Variants in NEGR1 observed in about 807,000 individuals in gnomAD.
NEGR1 encodes IgLON family member 4.
NEGR1 carries 10 observed loss-of-function variants against 40.9 expected under a neutral mutation model. The ratio of observed to expected loss-of-function variants is 0.24; its 90% CI spans 0.15 to 0.42. The LOEUF is 0.42. NEGR1 is among the 10% of genes least tolerant of loss of function. The pLI is 1.00. For synonymous variants in NEGR1, 185 were observed against 166.8 expected (o/e 1.11, Z -0.84); for missense variants, 352 against 438.9 (o/e 0.80, Z 1.77).
intron 6 of NEGR1, among the ~76,000 whole-genome samples, chr1:71,444,652 G>A (rs1342553049): frequency 1.3e-5 from 2 of 152,112 alleles, no homozygotes; most frequent in Non-Finnish European, 2.9e-5. Context: ...CTGCTGCAAA[G>A]TTAAATCTTT....
At chr1:71,550,125 T>C (rs752718035) in intron 6 of NEGR1, among the ~76,000 whole-genome samples, 14 of 151,638 alleles carry the variant, frequency 9.2e-5, no homozygotes, top group Non-Finnish European at 1.9e-4. Context: ...GTCCAAATGG[T>C]GGAGCAGACA....
At chr1:72,281,616 A>G (rs1470330098) in intron 1 of NEGR1, among the ~76,000 whole-genome samples, 1 of 152,078 alleles carries the variant, frequency 6.6e-6, no homozygotes, top group African/African-American at 2.4e-5. Context: ...CAAAAAGAAA[A>G]AAGGGTAAAA....
intron 3 of NEGR1, among the ~76,000 whole-genome samples, chr1:71,710,899 T>C (rs1358362333): frequency 2.0e-5 from 3 of 152,128 alleles, no homozygotes; most frequent in Admixed American, 6.5e-5. Flanking sequence ...GGATTGATTG[T>C]AACTCAAAGG....
intron 1 of NEGR1, among the ~76,000 whole-genome samples, chr1:71,992,563 A>G (rs1311774920): frequency 6.6e-6 from 1 of 152,246 alleles, no homozygotes; most frequent in Non-Finnish European, 1.5e-5. Context: ...CTATTTAAAC[A>G]TGTAATCAAT....
At chr1:72,107,093 T>C (rs1434418105) in intron 1 of NEGR1, among the ~76,000 whole-genome samples, 1 of 151,732 alleles carries the variant, frequency 6.6e-6, no homozygotes, top group Admixed American at 6.6e-5. Context: ...GGGTGAGAAA[T>C]AATCACACGT....
chr1:71,425,662 G>A (rs949316898), intron 6 of NEGR1, among the ~76,000 whole-genome samples: 1 of 152,056 alleles, frequency 6.6e-6, no homozygotes, highest in Non-Finnish European at 1.5e-5. Context: ...TTTTTTTAAT[G>A]TAAAATATCT....
intron 1 of NEGR1, among the ~76,000 whole-genome samples, chr1:71,943,253 CATACACATGTATCATACACATAT>C (rs1226765182): frequency 2.0e-5 from 3 of 149,448 alleles, no homozygotes; most frequent in East Asian, 4.0e-4. Flanking sequence ...CACACACATA[CATACACATGTATCATACACATAT>C]ATACACATGT....
chr1:71,806,810 G>A (rs1657787250), intron 2 of NEGR1, among the ~76,000 whole-genome samples: 1 of 151,662 alleles, frequency 6.6e-6, no homozygotes, highest in Admixed American at 6.6e-5. Context: ...ATTGTCTTTT[G>A]GAACTAATAA....
chr1:71,658,983 C>T (rs1315621916), intron 4 of NEGR1, among the ~76,000 whole-genome samples: 1 of 152,076 alleles, frequency 6.6e-6, no homozygotes, highest in Non-Finnish European at 1.5e-5. Context: ...ATTATTAAAT[C>T]TTGGATTTTC....
intron 1 of NEGR1, among the ~76,000 whole-genome samples, chr1:72,003,649 T>C (rs11209887): frequency 0.11 from 17,424 of 152,060 alleles, 1,038 homozygotes; most frequent in South Asian, 0.18. Flanking sequence ...TTGTTTATCC[T>C]AATAGACTTT....
chr1:71,819,976 A>G (rs1237161738), intron 2 of NEGR1, among the ~76,000 whole-genome samples: 2 of 152,012 alleles, frequency 1.3e-5, no homozygotes, highest in Non-Finnish European at 2.9e-5. Flanking sequence ...CAGAAGGGGG[A>G]CAGGCTGTTA....
chr1:71,956,804 G>T (rs1421733509), intron 1 of NEGR1, among the ~76,000 whole-genome samples: 1 of 152,040 alleles, frequency 6.6e-6, no homozygotes, highest in African/African-American at 2.4e-5. Flanking sequence ...AGAATGTGAA[G>T]ACCTGTACTC....
chr1:72,130,664 C>A (rs1650211645), intron 1 of NEGR1, among the ~76,000 whole-genome samples: 1 of 152,232 alleles, frequency 6.6e-6, no homozygotes, highest in East Asian at 1.9e-4. Context: ...AAGTCATGCT[C>A]CTCAGTCTCC....
intron 2 of NEGR1, among the ~76,000 whole-genome samples, chr1:71,900,006 A>G (rs930182945): frequency 1.3e-5 from 2 of 152,332 alleles, no homozygotes; most frequent in Admixed American, 1.3e-4. Context: ...AAACATTTGA[A>G]GTATATACAA....
chr1:71,519,941 C>G (rs1288510439), intron 6 of NEGR1, among the ~76,000 whole-genome samples: 1 of 151,770 alleles, frequency 6.6e-6, no homozygotes, highest in East Asian at 1.9e-4. Flanking sequence ...TCTCATTATT[C>G]ACAGCTAAGG....
intron 6 of NEGR1, among the ~76,000 whole-genome samples, chr1:71,462,501 C>T (rs905009983): frequency 1.3e-5 from 2 of 152,058 alleles, no homozygotes; most frequent in Non-Finnish European, 2.9e-5. Context: ...GACCCCCTAC[C>T]AGCCTGGTGA....
intron 1 of NEGR1, among the ~76,000 whole-genome samples, chr1:72,133,625 TTAAA>T (rs1243709969): frequency 6.6e-6 from 1 of 151,896 alleles, no homozygotes; most frequent in Non-Finnish European, 1.5e-5. Context: ...AAATCAATGT[TTAAA>T]TAAGTCAACT....
At chr1:71,807,900 A>C (rs1272520147) in intron 2 of NEGR1, among the ~76,000 whole-genome samples, 1 of 152,188 alleles carries the variant, frequency 6.6e-6, no homozygotes, top group African/African-American at 2.4e-5. Context: ...AAATGCATAA[A>C]AAGGAGATTT....
At chr1:71,915,715 G>A (rs1467152051) in intron 2 of NEGR1, among the ~76,000 whole-genome samples, 1 of 152,122 alleles carries the variant, frequency 6.6e-6, no homozygotes, top group Non-Finnish European at 1.5e-5. Context: ...TTTCCAATGT[G>A]TATGCCTGTG....
Sources: gnomAD v4.1 joint callset for allele counts (sites outside exome capture counted in the v4.1 genomes callset) on GRCh38, gnomAD v4.1.1 for gene constraint, MANE v1.5 for transcripts, NCBI Gene and HGNC (gene_info 2026-07-23, HGNC 2026-07-21) for gene names.